The following CNTNAP4 variants were observed in gnomAD, a reference collection of about 807,000 sequenced individuals.
The protein encoded by CNTNAP4 is contactin-associated protein-like 4.
A neutral mutation model predicts 148.4 loss-of-function variants in CNTNAP4; 98 were observed. The ratio of observed to expected loss-of-function variants is 0.66; its 90% CI spans 0.56 to 0.78. The LOEUF is 0.78. CNTNAP4 is among the 30% of genes least tolerant of loss of function. The pLI is 0.00. For synonymous variants in CNTNAP4, 730 were observed against 565.1 expected, an observed-to-expected ratio of 1.29 and a Z score of -4.14; for missense variants, 1,935 against 1,565.6, an observed-to-expected ratio of 1.24 and a Z score of -3.98.
chr16:76,347,774 A>G (rs1965031176), intron 2 of CNTNAP4, among the ~76,000 whole-genome samples: 1 of 152,142 alleles, frequency 6.6e-6, no homozygotes, highest in African/African-American at 2.4e-5. Flanking sequence ...AACAGCAAGG[A>G]GGCCATTGTA....
At chr16:76,467,233 C>T (rs2143495925) in intron 9 of CNTNAP4, 119 bp from the exon 10 acceptor site, 20 of 812,190 alleles carry the variant, frequency 2.5e-5, no homozygotes, top group African/African-American at 5.2e-5. Flanking sequence ...GTCATTATTC[C>T]CTCCTTTAAT....
At chr16:76,339,726 G>A (rs1046848454) in intron 2 of CNTNAP4, among the ~76,000 whole-genome samples, 6 of 152,148 alleles carry the variant, frequency 3.9e-5, no homozygotes, top group African/African-American at 1.4e-4. Flanking sequence ...TCTGAATTTG[G>A]CCATATTAGA....
At chr16:76,366,501 A>G (rs552288871) in intron 3 of CNTNAP4, among the ~76,000 whole-genome samples, 40 of 152,330 alleles carry the variant, frequency 2.6e-4, no homozygotes, top group Middle Eastern at 6.8e-3. Flanking sequence ...TACATGATGC[A>G]TATGTATCAC....
intron 8 of CNTNAP4, among the ~76,000 whole-genome samples, chr16:76,454,235 C>T (rs1424954277): frequency 6.6e-6 from 1 of 151,966 alleles, no homozygotes; most frequent in East Asian, 1.9e-4. Context: ...CTGCCTCAGC[C>T]TCCCAAGTAA....
intron 15 of CNTNAP4, among the ~76,000 whole-genome samples, chr16:76,516,439 C>T (rs944556149): frequency 6.6e-6 from 1 of 152,116 alleles, no homozygotes; most frequent in African/African-American, 2.4e-5. Flanking sequence ...TGGGTGTATG[C>T]CCAGTAATGG....
At chr16:76,421,601 AG>A (rs2079192745) in intron 3 of CNTNAP4, among the ~76,000 whole-genome samples, 1 of 152,134 alleles carries the variant, frequency 6.6e-6, no homozygotes, top group African/African-American at 2.4e-5. Flanking sequence ...AGGCACATTT[AG>A]TAAAGATTTA....
chr16:76,476,046 G>A lies in CNTNAP4; in HGVS notation c.1762+1G>A. 1 of 1,604,120 alleles carries A rather than the reference G, an allele frequency of 6.2e-7. No homozygotes were observed. Among genetic ancestry groups the A allele is most frequent in the Non-Finnish European group, 8.5e-7 (1 of 1,171,000 alleles). On this transcript the variant is annotated splice_donor_variant, in intron 11 of 23. Transcript: ENST00000611870. LOFTEE classifies it high-confidence loss of function. The stretch of plus-strand genomic sequence containing the variant: ...TACAGAGGAGCTACTTGCCATAACT[G>A]TAAGCGGAACACATCTGCTTTTTCT...
chr16:76,416,285 A>G (rs1004724105), intron 3 of CNTNAP4, among the ~76,000 whole-genome samples: 6 of 150,998 alleles, frequency 4.0e-5, no homozygotes, highest in Non-Finnish European at 7.4e-5. Flanking sequence ...AATTTTTAAA[A>G]TTTCTTTCCT....
intron 3 of CNTNAP4, among the ~76,000 whole-genome samples, chr16:76,367,197 A>G (rs2014243489): frequency 6.6e-6 from 1 of 152,036 alleles, no homozygotes; most frequent in Admixed American, 6.6e-5. Flanking sequence ...TATTTAAGGA[A>G]ATATGTATTA....
intron 21 of CNTNAP4, among the ~76,000 whole-genome samples, chr16:76,545,387 C>T (rs898693649): frequency 1.4e-4 from 21 of 152,004 alleles, no homozygotes; most frequent in Non-Finnish European, 2.4e-4. Flanking sequence ...GTATTCATGA[C>T]GTTGAAAGAA....
chr16:76,450,702 C>A (rs1288928421), intron 7 of CNTNAP4, among the ~76,000 whole-genome samples: 1 of 152,170 alleles, frequency 6.6e-6, no homozygotes, highest in African/African-American at 2.4e-5. Flanking sequence ...TTGCATCGGC[C>A]AATCTGTCCA....
At chr16:76,467,111 A>G (rs922626449) in intron 9 of CNTNAP4, among the ~76,000 whole-genome samples, 1 of 152,140 alleles carries the variant, frequency 6.6e-6, no homozygotes, top group African/African-American at 2.4e-5. Flanking sequence ...GATCAAGTTA[A>G]TATCCTTGCA....
At chr16:76,287,476 G>A (rs894098630) in intron 1 of CNTNAP4, among the ~76,000 whole-genome samples, 2 of 152,130 alleles carry the variant, frequency 1.3e-5, no homozygotes, top group African/African-American at 4.8e-5. Flanking sequence ...TTATATTTAT[G>A]TATAATTGCA....
chr16:76,424,525 G>A (rs571678020), intron 3 of CNTNAP4, among the ~76,000 whole-genome samples: 6 of 152,126 alleles, frequency 3.9e-5, no homozygotes, highest in Non-Finnish European at 4.4e-5. Flanking sequence ...AGGCCGAGGC[G>A]GGCAGATCAT....
chr16:76,340,147 C>T (rs1964349114), intron 2 of CNTNAP4, among the ~76,000 whole-genome samples: 1 of 152,094 alleles, frequency 6.6e-6, no homozygotes, highest in East Asian at 1.9e-4. Context: ...TACCATCCAA[C>T]CTGCTTTTAC....
chr16:76,452,075 C>G (rs62050082), intron 7 of CNTNAP4, among the ~76,000 whole-genome samples: 2 of 149,812 alleles, frequency 1.3e-5, no homozygotes, highest in South Asian at 2.1e-4. Context: ...TTTTTTTTCC[C>G]TAGGTTTGAT....
chr16:76,529,481 A>G (rs769933407), intron 17 of CNTNAP4, among the ~76,000 whole-genome samples: 1 of 152,186 alleles, frequency 6.6e-6, no homozygotes, highest in Non-Finnish European at 1.5e-5. Context: ...TAAAGCTGAA[A>G]TGTGACAGTG....
At chr16:76,377,728 A>T (rs1187593336) in intron 3 of CNTNAP4, among the ~76,000 whole-genome samples, 2 of 152,102 alleles carry the variant, frequency 1.3e-5, no homozygotes, top group Non-Finnish European at 2.9e-5. Flanking sequence ...TCTCTCCCTC[A>T]TTTTTTTCTT....
chr16:76,467,747 G>A (rs948290460), intron 10 of CNTNAP4, among the ~76,000 whole-genome samples: 8 of 152,156 alleles, frequency 5.3e-5, no homozygotes, highest in African/African-American at 1.4e-4. Context: ...GTATGGCCAC[G>A]TATGTACACA....
Sources: gnomAD v4.1 joint callset for allele counts (sites outside exome capture counted in the v4.1 genomes callset) on GRCh38, gnomAD v4.1.1 for gene constraint, MANE v1.5 for transcripts, NCBI Gene and HGNC (gene_info 2026-07-23, HGNC 2026-07-21) for gene names.